The following TRHDE variants were observed in gnomAD, a reference collection of about 807,000 sequenced individuals.
TRHDE encodes the protein thyrotropin-releasing hormone-degrading ectoenzyme.
TRHDE carries 72 observed loss-of-function variants against 125.7 expected under a neutral mutation model. The ratio of observed to expected loss-of-function variants is 0.57; its 90% CI spans 0.47 to 0.70. The LOEUF is 0.70. Among genes scored for constraint, TRHDE ranks in the 30% least tolerant of loss-of-function variants. The probability of loss-of-function intolerance (pLI) is 0.00; values close to 1 mark genes in which losing one functional copy is unlikely to be tolerated. For synonymous variants in TRHDE, 509 were observed against 509.1 expected (o/e 1.00, Z 0.00); for missense variants, 1,110 against 1,327.1 (o/e 0.84, Z 2.54).
intron 2 of TRHDE, among the ~76,000 whole-genome samples, chr12:72,360,792 G>A (rs1285947734): frequency 6.6e-6 from 1 of 151,722 alleles, no homozygotes; most frequent in Non-Finnish European, 1.5e-5. Context: ...GATGAAGGGA[G>A]TGTTTTGCAG....
intron 2 of TRHDE, among the ~76,000 whole-genome samples, chr12:72,192,606 AC>A (rs1877362543): frequency 6.6e-6 from 1 of 152,094 alleles, no homozygotes; most frequent in Non-Finnish European, 1.5e-5. Context: ...TATAGTGTGA[AC>A]TTTGGAGTTA....
chr12:72,605,843 A>G (rs1369778681), intron 12 of TRHDE, among the ~76,000 whole-genome samples: 3 of 152,110 alleles, frequency 2.0e-5, no homozygotes, highest in Admixed American at 2.0e-4. Flanking sequence ...TTCTTTGACG[A>G]GCTCTAATAT....
intron 2 of TRHDE, among the ~76,000 whole-genome samples, chr12:72,119,173 T>TA (rs1180626166): frequency 1.3e-5 from 2 of 152,186 alleles, no homozygotes; most frequent in African/African-American, 2.4e-5. Context: ...CATAGGCACT[T>TA]ACGACTTTAA....
At chr12:72,626,653 C>T (rs777349017) in intron 15 of TRHDE, among the ~76,000 whole-genome samples, 11 of 151,908 alleles carry the variant, frequency 7.2e-5, no homozygotes, top group Non-Finnish European at 1.3e-4. Context: ...TGCTCTTAAT[C>T]AGTTGCTATT....
At chr12:72,455,867 G>A (rs1478879663) in intron 3 of TRHDE, among the ~76,000 whole-genome samples, 1 of 151,836 alleles carries the variant, frequency 6.6e-6, no homozygotes, top group Non-Finnish European at 1.5e-5. Context: ...CTGTCTGCCT[G>A]GAGTTATATA....
intron 2 of TRHDE, among the ~76,000 whole-genome samples, chr12:72,138,905 G>T (rs966776614): frequency 1.3e-5 from 2 of 152,194 alleles, no homozygotes; most frequent in Non-Finnish European, 2.9e-5. Flanking sequence ...GTGAAGTTAT[G>T]CAAAAAGCAG....
At chr12:72,354,186 A>G (rs1026431926) in intron 2 of TRHDE, among the ~76,000 whole-genome samples, 9 of 151,754 alleles carry the variant, frequency 5.9e-5, no homozygotes, top group African/African-American at 2.2e-4. Context: ...AGAAAATGAC[A>G]TTATAACATA....
chr12:72,342,597 T>A (rs958682543), intron 2 of TRHDE, among the ~76,000 whole-genome samples: 7 of 152,238 alleles, frequency 4.6e-5, no homozygotes, highest in African/African-American at 1.4e-4. Flanking sequence ...AAGCAATGAA[T>A]AAAGAGAAAA....
chr12:72,408,257 T>C (rs1325547752), intron 3 of TRHDE, among the ~76,000 whole-genome samples: 1 of 152,182 alleles, frequency 6.6e-6, no homozygotes, highest in East Asian at 1.9e-4. Context: ...GAAAGAGGGA[T>C]AAAGTTTCCA....
chr12:72,469,892 G>A lies in TRHDE; in HGVS notation c.1450G>A (p.Val484Ile). 3 of 1,614,042 alleles carry A rather than the reference G, an allele frequency of 1.9e-6. No individual in the cohort carries two copies. The highest frequency in any genetic ancestry group is 2.5e-6 in the Non-Finnish European group (3 of 1,179,966). Residue 484 changes from valine to isoleucine, a missense_variant, in exon 4 of 19, where the codon GTT (valine) becomes ATT (isoleucine). Transcript: ENST00000261180. Reference protein sequence around the residue: ...SYLLDVTMVIVHEICHQWFGD... With the variant: ...SYLLDVTMVIIHEICHQWFGD... ...TTTGCTGGATGTCACCATGGTCATTGTTCATGAGATATGTCACCAGGTATG... is the reference window on the plus strand; with the variant it reads ...TTTGCTGGATGTCACCATGGTCATTATTCATGAGATATGTCACCAGGTATG...
chr12:72,664,130 A>G lies in TRHDE; in HGVS notation c.*935A>G, dbSNP rs534405222. The G allele has an allele frequency of 1.3e-5, 2 of 152,336 alleles. No individual in the cohort carries two copies. Among genetic ancestry groups the G allele is most frequent in the South Asian group, 2.1e-4 (1 of 4,826 alleles). The allele number at this position is 152,336 out of a possible 1,614,324, so 9.4% of individuals were successfully genotyped here. A position where few individuals can be genotyped will look rare whatever the true frequency, so the allele number is the denominator to read the frequency against. ...ATGAATACAAACAAAATTTTTGTAT[A>G]AACTACTATTCCAGTTCTCCTGTGT... On this transcript the variant is annotated 3_prime_UTR_variant, in exon 19 of 19. Transcript: ENST00000261180.
chr12:72,622,189 G>C (rs937330508), intron 15 of TRHDE, among the ~76,000 whole-genome samples: 4 of 151,816 alleles, frequency 2.6e-5, no homozygotes, highest in African/African-American at 4.8e-5. Context: ...AAAAGGTTAT[G>C]AAAAAAAGAT....
At chr12:72,108,457 T>A (rs1180760060) in intron 2 of TRHDE, among the ~76,000 whole-genome samples, 1 of 152,138 alleles carries the variant, frequency 6.6e-6, no homozygotes, top group Non-Finnish European at 1.5e-5. Flanking sequence ...CATATATTTT[T>A]TCAGGCTAAC....
At chr12:72,547,898 T>C (rs976776304) in intron 7 of TRHDE, among the ~76,000 whole-genome samples, 5 of 151,968 alleles carry the variant, frequency 3.3e-5, no homozygotes, top group Admixed American at 6.6e-5. Flanking sequence ...TTTTTAAATA[T>C]AATATCATTC....
intron 2 of TRHDE, among the ~76,000 whole-genome samples, chr12:72,190,133 T>C (rs1196209907): frequency 6.6e-6 from 1 of 152,200 alleles, no homozygotes; most frequent in Non-Finnish European, 1.5e-5. Context: ...ATCAAGTCTG[T>C]CTAGCAGCAC....
intron 6 of TRHDE, among the ~76,000 whole-genome samples, chr12:72,528,677 C>T (rs150393020): frequency 2.0e-4 from 31 of 152,018 alleles, no homozygotes; most frequent in African/African-American, 6.8e-4. Flanking sequence ...TTAGTGGAGA[C>T]GGGGTTTCAC....
At chr12:72,495,072 T>TG (rs1565765123) in intron 5 of TRHDE, among the ~76,000 whole-genome samples, 2 of 140,394 alleles carry the variant, frequency 1.4e-5, no homozygotes, top group Admixed American at 7.4e-5. Flanking sequence ...TTTTTTTTTT[T>TG]TTTTTTTTTT....
intron 3 of TRHDE, among the ~76,000 whole-genome samples, chr12:72,435,418 A>G (rs546990538): frequency 2.0e-5 from 3 of 152,284 alleles, no homozygotes; most frequent in African/African-American, 7.2e-5. Flanking sequence ...TTGGGGAGTT[A>G]GACGATATCT....
chr12:72,553,458 A>G (rs1034712205), intron 7 of TRHDE, among the ~76,000 whole-genome samples: 1 of 152,188 alleles, frequency 6.6e-6, no homozygotes, highest in Non-Finnish European at 1.5e-5. Flanking sequence ...TAATAATAAC[A>G]GTAAGATTAG....
Sources: allele counts gnomAD v4.1 joint callset (sites outside exome capture counted in the v4.1 genomes callset), GRCh38; gene constraint gnomAD v4.1.1; transcripts MANE v1.5; gene names NCBI Gene and HGNC (gene_info 2026-07-23, HGNC 2026-07-21).